The following PDE4D variants were observed in gnomAD, a reference collection of about 807,000 sequenced individuals.
The protein encoded by PDE4D is 3',5'-cyclic-AMP phosphodiesterase 4D.
PDE4D carries 24 observed loss-of-function variants against 87.4 expected under a neutral mutation model. That is an observed-to-expected ratio of 0.27 (90% CI 0.20 to 0.39). PDE4D has a LOEUF of 0.39. Among genes scored for constraint, PDE4D ranks in the 10% least tolerant of loss-of-function variants. PDE4D has a pLI of 1.00. For synonymous variants in PDE4D, 384 were observed against 383.2 expected, an observed-to-expected ratio of 1.00 and a Z score of -0.02; for missense variants, 714 against 1,041.0, an observed-to-expected ratio of 0.69 and a Z score of 4.32.
Position 60,047,072 on chromosome 5 carries a change from A to G in PDE4D, c.43-58355T>C, listed in dbSNP as rs1278424113. Among the ~76,000 whole-genome samples, 3 of 152,168 alleles carry G rather than the reference A, an allele frequency of 2.0e-5. No individual in the cohort carries two copies. The East Asian group carries it at 5.8e-4, about 29-fold the overall frequency. On this transcript the variant is annotated intron_variant, in intron 2 of 16. Transcript: ENST00000502484. ...CTGTTATTGGTCTATTCAGAGATTC[A>G]ACTTCTTCCTGGTTTAGTCTTGGGA...
intron 1 of PDE4D, among the ~76,000 whole-genome samples, chr5:59,415,588 T>C (rs547256152): frequency 6.6e-6 from 1 of 152,208 alleles, no homozygotes; most frequent in Admixed American, 6.5e-5. Context: ...ACTTGGGAAG[T>C]GAATCTATAT....
chr5:59,958,053 G>T (rs981819992), intron 3 of PDE4D, among the ~76,000 whole-genome samples: 1 of 152,022 alleles, frequency 6.6e-6, no homozygotes, highest in East Asian at 1.9e-4. Context: ...CATTTATGGA[G>T]GTAAAGGATA....
intron 1 of PDE4D, among the ~76,000 whole-genome samples, chr5:59,681,147 C>T (rs766745907): frequency 6.6e-6 from 1 of 152,006 alleles, no homozygotes; most frequent in Non-Finnish European, 1.5e-5. Context: ...GATAAAAGAA[C>T]AAGAGTCTCA....
At chr5:60,141,721 C>A (rs1378044641) in intron 2 of PDE4D, among the ~76,000 whole-genome samples, 16 of 152,088 alleles carry the variant, frequency 1.1e-4, no homozygotes, top group Admixed American at 9.8e-4. Context: ...ATATTATCTG[C>A]AATAACTGCC....
intron 1 of PDE4D, among the ~76,000 whole-genome samples, chr5:60,468,311 A>G (rs1747547095): frequency 6.6e-6 from 1 of 151,630 alleles, no homozygotes; most frequent in South Asian, 2.1e-4. Flanking sequence ...GCTAATTTCT[A>G]TATTTTTAAT....
intron 1 of PDE4D, among the ~76,000 whole-genome samples, chr5:59,748,227 G>C (rs1045683075): frequency 6.6e-6 from 1 of 152,158 alleles, no homozygotes; most frequent in African/African-American, 2.4e-5. Flanking sequence ...AGTCGTTGTG[G>C]CTTCTACTTT....
chr5:60,191,961 T>C lies in PDE4D; in HGVS notation c.-89-6274A>G, dbSNP rs138304211. ...GTTGCAGTGAGCTGAGATTGCACCATTGCACTCCAGGCTGGGTGGCAGAGT... is the reference window on the plus strand; with the variant it reads ...GTTGCAGTGAGCTGAGATTGCACCACTGCACTCCAGGCTGGGTGGCAGAGT... On this transcript the variant is annotated intron_variant, in intron 1 of 16. Transcript: ENST00000502484. Among the ~76,000 whole-genome samples the C allele has an allele frequency of 3.9e-3, 592 of 152,220 alleles. 1 individual carries two copies. Among genetic ancestry groups the C allele is most frequent in the Admixed American group, 6.3e-3 (97 of 15,290 alleles).
chr5:60,020,474 C>T (rs1184865341), intron 2 of PDE4D, among the ~76,000 whole-genome samples: 1 of 152,092 alleles, frequency 6.6e-6, no homozygotes, highest in East Asian at 1.9e-4. Context: ...ATGAGGCATG[C>T]CTCATTTGTA....
chr5:59,166,550 CA>C (rs992424190), intron 5 of PDE4D: 6 of 152,308 alleles, frequency 3.9e-5, no homozygotes, highest in African/African-American at 1.4e-4. Context: ...TTCAAAGTTG[CA>C]TCTGGGAAAA....
chr5:59,640,847 A>G (rs946091027), intron 1 of PDE4D, among the ~76,000 whole-genome samples: 2 of 152,310 alleles, frequency 1.3e-5, no homozygotes, highest in East Asian at 3.9e-4. Context: ...CTGTTTATCA[A>G]GAGTGTTCTC....
At chr5:60,369,496 A>G (rs897268957) in intron 1 of PDE4D, among the ~76,000 whole-genome samples, 14 of 152,184 alleles carry the variant, frequency 9.2e-5, no homozygotes, top group African/African-American at 3.4e-4. Flanking sequence ...CACAGGACAG[A>G]ACAGTGAGTC....
chr5:60,100,697 G>A (rs1417842576), intron 2 of PDE4D, among the ~76,000 whole-genome samples: 1 of 152,024 alleles, frequency 6.6e-6, no homozygotes, highest in Non-Finnish European at 1.5e-5. Flanking sequence ...CAACTAAATT[G>A]CAACTAAATT....
chr5:59,947,406 C>T (rs554098432), intron 3 of PDE4D, among the ~76,000 whole-genome samples: 84 of 152,164 alleles, frequency 5.5e-4, no homozygotes, highest in African/African-American at 1.8e-3. Flanking sequence ...CTAGTGTGGG[C>T]GGCCCGGGGG....
chr5:60,308,411 C>G (rs1194975992), intron 1 of PDE4D, among the ~76,000 whole-genome samples: 1 of 152,134 alleles, frequency 6.6e-6, no homozygotes, highest in Non-Finnish European at 1.5e-5. Context: ...TGGAGGTTTC[C>G]AAACTAGTCT....
intron 5 of PDE4D, among the ~76,000 whole-genome samples, chr5:59,131,846 T>A (rs1776338090): frequency 1.3e-5 from 2 of 152,144 alleles, no homozygotes; most frequent in Admixed American, 1.3e-4. Context: ...GCCTCACAGT[T>A]TTTTGTTTTG....
intron 1 of PDE4D, among the ~76,000 whole-genome samples, chr5:59,229,871 T>C (rs925747915): frequency 2.0e-5 from 3 of 152,220 alleles, no homozygotes; most frequent in African/African-American, 7.2e-5. Flanking sequence ...CGATCTCGGC[T>C]CACTGCAACC....
At chr5:59,376,208 A>C (rs1352352330) in intron 1 of PDE4D, among the ~76,000 whole-genome samples, 1 of 152,220 alleles carries the variant, frequency 6.6e-6, no homozygotes, top group African/African-American at 2.4e-5. Context: ...AGAAAGAAAT[A>C]AAGCACATTC....
chr5:60,015,013 G>A (rs1582183958), intron 2 of PDE4D, among the ~76,000 whole-genome samples: 1 of 152,220 alleles, frequency 6.6e-6, no homozygotes, highest in African/African-American at 2.4e-5. Flanking sequence ...ATGAAGCACC[G>A]ATTGCTATGT....
intron 1 of PDE4D, among the ~76,000 whole-genome samples, chr5:60,386,568 G>T (rs901657457): frequency 2.6e-5 from 4 of 152,172 alleles, no homozygotes; most frequent in East Asian, 1.9e-4. Context: ...CTGCAGGGGG[G>T]TTCTGCCAGC....
Sources: allele counts gnomAD v4.1 joint callset (sites outside exome capture counted in the v4.1 genomes callset), GRCh38; gene constraint gnomAD v4.1.1; transcripts MANE v1.5; gene names NCBI Gene and HGNC (gene_info 2026-07-23, HGNC 2026-07-21).